TDRD12: variants seen among roughly 807,000 people sequenced by gnomAD.
TDRD12 encodes the protein tudor domain containing 12.
Under a neutral mutation model 133.5 loss-of-function variants are expected in TDRD12, and 158 were observed. The ratio of observed to expected loss-of-function variants is 1.18; its 90% confidence interval spans 1.04 to 1.35. The LOEUF (loss-of-function observed/expected upper bound fraction) is 1.35, where lower values mean the gene tolerates loss of function less well. Ranked by LOEUF, TDRD12 falls within the 40% of genes most tolerant of loss-of-function variation. The pLI, the probability that TDRD12 is intolerant of heterozygous loss-of-function variation, is 0.00. For synonymous variants in TDRD12, 460 were observed against 477.9 expected, an observed-to-expected ratio of 0.96 and a Z score of 0.49; for missense variants, 1,443 against 1,321.3, an observed-to-expected ratio of 1.09 and a Z score of -1.43.
chr19:32,731,866 AC>A lies in TDRD12; in HGVS notation c.167del (p.Thr56AsnfsTer15), dbSNP rs1417636024. The A allele has an allele frequency of 3.9e-6, 6 of 1,546,792 alleles. No homozygotes were observed. The highest frequency in any genetic ancestry group is 5.2e-6 in the Non-Finnish European group (6 of 1,145,794). On this transcript the variant is annotated frameshift_variant, in exon 2 of 28. Coordinates refer to ENST00000444215, the Ensembl canonical transcript of TDRD12. LOFTEE classifies it high-confidence loss of function. ...TCAAGATATAGAAATAAAACCCTTA[AC>A]ATTGGAAGAAGGACAGGTATGTATC...
intron 11 of TDRD12, among the ~76,000 whole-genome samples, chr19:32,778,066 A>G (rs1167407840): frequency 1.3e-5 from 2 of 151,398 alleles, no homozygotes; most frequent in African/African-American, 2.4e-5. Flanking sequence ...CATTCCAAGT[A>G]ACTGTAGCTG....
chr19:32,795,561 G>A (rs1013931476), intron 14 of TDRD12, among the ~76,000 whole-genome samples: 4 of 152,024 alleles, frequency 2.6e-5, no homozygotes, highest in Admixed American at 1.3e-4. Flanking sequence ...GCCTTGTCCC[G>A]TGCTCTGCCA....
chr19:32,734,186 C>A (rs530856395), intron 2 of TDRD12, among the ~76,000 whole-genome samples: 1 of 152,020 alleles, frequency 6.6e-6, no homozygotes, highest in South Asian at 2.1e-4. Flanking sequence ...TGAGCCACCG[C>A]GCCTGGCCTT....
chr19:32,780,375 C>T (rs1314326567), intron 11 of TDRD12, among the ~76,000 whole-genome samples: 2 of 152,244 alleles, frequency 1.3e-5, no homozygotes, highest in African/African-American at 4.8e-5. Flanking sequence ...GCATGAGCCA[C>T]TGCACCTGGC....
intron 11 of TDRD12, among the ~76,000 whole-genome samples, chr19:32,788,792 T>C (rs985101561): frequency 1.3e-5 from 2 of 152,138 alleles, no homozygotes; most frequent in African/African-American, 4.8e-5. Context: ...TGTGGGTCTC[T>C]CTGGGGAGCG....
In TDRD12 at chr19:32,828,206, G is replaced by A. The variant is rs542049086; in HGVS notation, c.*1040G>A. 1.8e-4 allele frequency: 28 copies of A among 152,306 alleles called. 1 individual carries two copies. The highest frequency in any genetic ancestry group is 6.8e-3 in the Middle Eastern group (2 of 294). The allele number at this position is 152,306 out of a possible 1,614,324, so 9.4% of individuals were successfully genotyped here. A position where few individuals can be genotyped will look rare whatever the true frequency, so the allele number is the denominator to read the frequency against. On this transcript the variant is annotated 3_prime_UTR_variant, in exon 10 of 10. Coordinates refer to the TDRD12 transcript ENST00000637289. ...CTCAGTAAGACCCAGGCCTTTCCGG[G>A]GTGAAGCTGCTGGTTCTAAACAATC... is the stretch of plus-strand genomic sequence containing the variant.
intron 24 of TDRD12, among the ~76,000 whole-genome samples, chr19:32,812,734 C>T (rs1002252580): frequency 6.6e-6 from 1 of 152,220 alleles, no homozygotes; most frequent in Non-Finnish European, 1.5e-5. Flanking sequence ...GAGAAAGGTT[C>T]TCCTGTGTAC....
At chr19:32,743,449 T>A (rs1422343012) in intron 4 of TDRD12, among the ~76,000 whole-genome samples, 1 of 150,196 alleles carries the variant, frequency 6.7e-6, no homozygotes, top group Non-Finnish European at 1.5e-5. Context: ...GGTCTCACTA[T>A]CTTGCCCAGG....
downstream of TDRD12, among the ~76,000 whole-genome samples, chr19:32,823,310 T>C (rs1226675057): frequency 6.6e-6 from 1 of 152,142 alleles, no homozygotes; most frequent in Non-Finnish European, 1.5e-5. Context: ...GTGATTCCCA[T>C]GCATCTCTGG....
intron 27 of TDRD12, among the ~76,000 whole-genome samples, chr19:32,819,594 T>C (rs1967308494): frequency 6.6e-6 from 1 of 152,190 alleles, no homozygotes; most frequent in Non-Finnish European, 1.5e-5. Context: ...TTTCCCACTG[T>C]AGCTTTGTGG....
chr19:32,778,657 G>A (rs1271850188), intron 11 of TDRD12, among the ~76,000 whole-genome samples: 1 of 151,890 alleles, frequency 6.6e-6, no homozygotes, highest in African/African-American at 2.4e-5. Context: ...CTGCCACCAC[G>A]TCCAGCTAAT....
At chr19:32,791,139 A>C (rs1394142401) in intron 13 of TDRD12, 71 bp downstream of exon 13, 2 of 1,455,544 alleles carry the variant, frequency 1.4e-6, no homozygotes, top group Non-Finnish European at 1.8e-6. Context: ...TTTTGAAATA[A>C]ATGGCTCTAA....
intron 15 of TDRD12, 39 bp downstream of exon 15, chr19:32,797,930 T>A: frequency 1.5e-6 from 1 of 660,148 alleles, no homozygotes; most frequent in Non-Finnish European, 2.7e-6. Context: ...AGTTAAAGTA[T>A]CCTTTTCACT....
intron 27 of TDRD12, among the ~76,000 whole-genome samples, chr19:32,818,571 C>A (rs1046528049): frequency 1.3e-5 from 2 of 152,194 alleles, no homozygotes; most frequent in Non-Finnish European, 2.9e-5. Flanking sequence ...GGTTGAGAAG[C>A]TGCTGGTTTA....
intron 11 of TDRD12, among the ~76,000 whole-genome samples, chr19:32,783,432 G>A (rs915925162): frequency 1.3e-5 from 2 of 152,166 alleles, no homozygotes; most frequent in Admixed American, 1.3e-4. Context: ...CCCCAAGATT[G>A]TCTTGGCTAT....
At position 32,790,954 on chromosome 19, in the gene TDRD12, G is replaced by C. The variant is rs568306196; in HGVS notation, c.1183-10G>C. Reference sequence around the variant, plus strand: ...CAGACACTGGTTGTCTAATGCACACGTTCTCTCAGTTGCAGAAGCTGAAGG... The same window carrying C: ...CAGACACTGGTTGTCTAATGCACACCTTCTCTCAGTTGCAGAAGCTGAAGG... On this transcript the variant is annotated splice_polypyrimidine_tract_variant and intron_variant, in intron 12 of 27. Coordinates refer to ENST00000444215, the Ensembl canonical transcript of TDRD12. 2.0e-6 allele frequency: 3 copies of C among 1,534,782 alleles called. No individual in the cohort carries two copies. Among genetic ancestry groups the C allele is most frequent in the South Asian group, 2.4e-5 (2 of 83,978 alleles).
At chr19:32,755,345 C>T (rs1038585219) in intron 6 of TDRD12, among the ~76,000 whole-genome samples, 1 of 152,210 alleles carries the variant, frequency 6.6e-6, no homozygotes, top group Non-Finnish European at 1.5e-5. Flanking sequence ...ATTTTACCTT[C>T]CCATCAGCAA....
At chr19:32,791,460 A>G (rs1971068872) in intron 13 of TDRD12, among the ~76,000 whole-genome samples, 1 of 152,228 alleles carries the variant, frequency 6.6e-6, no homozygotes, top group Non-Finnish European at 1.5e-5. Flanking sequence ...AAAATTGATC[A>G]TACGTGTTTA....
rs183200138 is a variant in TDRD12 at position 32,778,823 on chromosome 19, T to C, written c.1121+1594T>C. Reference sequence around the variant, plus strand: ...ATGACCCTGGAACATTCTATTCCCTTTTATTTTCGTATTAAAAAGTTCTGT... The same window carrying C: ...ATGACCCTGGAACATTCTATTCCCTCTTATTTTCGTATTAAAAAGTTCTGT... On this transcript the variant is annotated intron_variant, in intron 11 of 27. Coordinates refer to ENST00000444215, the Ensembl canonical transcript of TDRD12. Among the ~76,000 whole-genome samples, 984 of 152,310 alleles carry C rather than the reference T, an allele frequency of 6.5e-3. 8 individuals carry two copies. Among genetic ancestry groups the C allele is most frequent in the African/African-American group, 0.019 (801 of 41,562 alleles).
Sources: gnomAD v4.1 joint callset for allele counts (sites outside exome capture counted in the v4.1 genomes callset) on GRCh38, gnomAD v4.1.1 for gene constraint, MANE v1.5 for transcripts, NCBI Gene and HGNC (gene_info 2026-07-23, HGNC 2026-07-21) for gene names.